Variants in LRRK1 observed in about 807,000 individuals in gnomAD.
The protein encoded by LRRK1 is leucine-rich repeat serine/threonine-protein kinase 1.
LRRK1 carries 113 observed loss-of-function variants against 209.1 expected under a neutral mutation model. That is an observed-to-expected ratio of 0.54 (90% CI 0.46 to 0.63). LRRK1 has a LOEUF of 0.63. Ranked by LOEUF, LRRK1 falls within the 30% of genes least tolerant of loss-of-function variation. The pLI is 0.00. For missense variants in LRRK1, 2,284 were observed against 2,632.2 expected (o/e 0.87, Z 2.89); for synonymous variants, 1,144 against 1,099.7 (o/e 1.04, Z -0.80).
intron 6 of LRRK1, among the ~76,000 whole-genome samples, chr15:101,001,259 C>G (rs1403014814): frequency 6.6e-6 from 1 of 152,046 alleles, no homozygotes; most frequent in African/African-American, 2.4e-5. Flanking sequence ...CTCTGGGAAC[C>G]TGTAGCCTTG....
Position 101,022,355 on chromosome 15 carries a change from T to A in LRRK1, c.1853-28T>A. 2 of 1,606,668 alleles carry A rather than the reference T, an allele frequency of 1.2e-6. No individual in the cohort carries two copies. The highest frequency in any genetic ancestry group is 1.7e-6 in the Non-Finnish European group (2 of 1,173,480). ...AGATGTGAGCATGTGCCCACGCAGC[T>A]ACCCTTCCCCTTAATGATTTTGCAC... On this transcript the variant is annotated intron_variant, in intron 14 of 33. Coordinates refer to ENST00000388948, the MANE Select transcript of LRRK1 (RefSeq NM_024652.6). This position sits in a 1 kb window ranked among gnomAD's most constrained non-coding sequence, Gnocchi z 4.0.
intron 20 of LRRK1, among the ~76,000 whole-genome samples, chr15:101,031,491 T>C (rs1230257335): frequency 6.6e-6 from 1 of 152,248 alleles, no homozygotes; most frequent in Non-Finnish European, 1.5e-5. Flanking sequence ...TTACTGCAAT[T>C]TGTTTATCCA....
chr15:100,941,438 G>GTGTC (rs2042426536), intron 2 of LRRK1, among the ~76,000 whole-genome samples: 1 of 86,734 alleles, frequency 1.2e-5, no homozygotes, highest in Admixed American at 1.1e-4. Flanking sequence ...CTGTGTGTGT[G>GTGTC]TGTGTGTCTG....
chr15:101,052,784 GC>G, intron 24 of LRRK1, 137 bp from the exon 25 acceptor site: 1 of 1,011,706 alleles, frequency 9.9e-7, no homozygotes, highest in Non-Finnish European at 1.4e-6. Flanking sequence ...AAGTGGCAGG[GC>G]CGGGGTGGCC....
At chr15:101,007,514 G>A (rs546116198) in intron 6 of LRRK1, among the ~76,000 whole-genome samples, 2 of 152,338 alleles carry the variant, frequency 1.3e-5, no homozygotes, top group South Asian at 4.1e-4. Flanking sequence ...AGTGAGAAAT[G>A]AGTGGAGCAA....
chr15:100,977,011 G>A (rs753971214), intron 3 of LRRK1, among the ~76,000 whole-genome samples: 4 of 152,138 alleles, frequency 2.6e-5, no homozygotes, highest in Non-Finnish European at 4.4e-5. Flanking sequence ...AGCTCTAGAC[G>A]TTACATGTAA....
chr15:100,950,710 G>A (rs1431233055), intron 2 of LRRK1, among the ~76,000 whole-genome samples: 1 of 152,204 alleles, frequency 6.6e-6, no homozygotes, highest in Non-Finnish European at 1.5e-5. Flanking sequence ...AAGAACCTGT[G>A]AAATGGGAGA....
rs75612594 is a variant in LRRK1 at position 100,968,369 on chromosome 15, G to T, written c.98-5435G>T. 7.5e-3 allele frequency among the ~76,000 whole-genome samples: 1,143 copies of T among 152,200 alleles called. 17 individuals are homozygous for T. Among genetic ancestry groups the T allele is most frequent in the African/African-American group, 0.025 (1,053 of 41,468 alleles). On this transcript the variant is annotated intron_variant, in intron 2 of 33. Transcript: ENST00000388948. The stretch of plus-strand genomic sequence containing the variant: ...GGTTAGATAAGAATGGAATTTATGG[G>T]TCACAGGGTAGGTATACATGTAGTT...
intron 2 of LRRK1, among the ~76,000 whole-genome samples, chr15:100,957,243 T>C (rs2042784281): frequency 6.6e-6 from 1 of 152,240 alleles, no homozygotes; most frequent in African/African-American, 2.4e-5. Context: ...GTCCCACGTG[T>C]GCTTGAGAAA....
intron 4 of LRRK1, 188 bp downstream of exon 4, chr15:100,983,887 A>C: frequency 5.3e-6 from 4 of 755,100 alleles, no homozygotes; most frequent in Non-Finnish European, 7.3e-6. Context: ...CCATGAACTC[A>C]TAAGGGAAAT....
At chr15:101,011,425 G>A (rs1466263501) in intron 9 of LRRK1, among the ~76,000 whole-genome samples, 9 of 149,050 alleles carry the variant, frequency 6.0e-5, no homozygotes, top group South Asian at 2.1e-4. Flanking sequence ...GCAGTGAGCC[G>A]AGATTGCACC....
intron 6 of LRRK1, among the ~76,000 whole-genome samples, chr15:101,000,779 C>A (rs1385184270): frequency 6.6e-6 from 1 of 152,192 alleles, no homozygotes; most frequent in Non-Finnish European, 1.5e-5. Flanking sequence ...CCCACAATAA[C>A]CTCATTTTGG....
intron 11 of LRRK1, 67 bp from the exon 12 acceptor site, chr15:101,015,259 C>T: frequency 1.5e-6 from 2 of 1,290,556 alleles, no homozygotes; most frequent in South Asian, 1.2e-5. Context: ...GGCATTATAA[C>T]ATCACAGCCA....
At chr15:100,942,864 G>A (rs2042468278) in intron 2 of LRRK1, among the ~76,000 whole-genome samples, 1 of 152,132 alleles carries the variant, frequency 6.6e-6, no homozygotes, top group African/African-American at 2.4e-5. Context: ...CTCACAGTGG[G>A]CGGGTGGGGT....
intron 20 of LRRK1, among the ~76,000 whole-genome samples, 178 bp downstream of exon 20, chr15:101,029,410 T>C (rs1227773100): frequency 6.6e-6 from 1 of 151,212 alleles, no homozygotes; most frequent in Non-Finnish European, 1.5e-5. Flanking sequence ...AGCAGGACAG[T>C]GAGCACGGCT....
chr15:101,011,321 A>AT (rs1440658239), intron 9 of LRRK1, among the ~76,000 whole-genome samples: 6 of 151,660 alleles, frequency 4.0e-5, no homozygotes, highest in African/African-American at 1.2e-4. Context: ...AAAAAAAAAA[A>AT]AAAAATAAGC....
intron 31 of LRRK1, among the ~76,000 whole-genome samples, chr15:101,064,205 G>A (rs2036383216): frequency 1.3e-5 from 2 of 152,236 alleles, no homozygotes; most frequent in South Asian, 4.1e-4. Flanking sequence ...AAAGTCCTGG[G>A]GATGGATTTC....
intron 6 of LRRK1, among the ~76,000 whole-genome samples, chr15:100,993,347 T>G (rs74570747): frequency 0.064 from 9,800 of 152,196 alleles, 352 homozygotes; most frequent in African/African-American, 0.081. Context: ...TAGAGATATA[T>G]AGATATATAG....
intron 6 of LRRK1, among the ~76,000 whole-genome samples, chr15:101,008,491 C>T (rs1383385604): frequency 1.3e-5 from 2 of 152,152 alleles, no homozygotes; most frequent in East Asian, 3.9e-4. Flanking sequence ...CTTCAGCGGT[C>T]TCCTCTGTAC....
Sources: allele counts gnomAD v4.1 joint callset (sites outside exome capture counted in the v4.1 genomes callset), GRCh38; gene constraint gnomAD v4.1.1; non-coding constraint Gnocchi (gnomAD v3.1); transcripts MANE v1.5; gene names NCBI Gene and HGNC (gene_info 2026-07-23, HGNC 2026-07-21).